SCHIP1: variants seen among roughly 807,000 people sequenced by gnomAD.
SCHIP1 encodes schwannomin-interacting protein 1.
Under a neutral mutation model 29.7 loss-of-function variants are expected in SCHIP1, and 8 were observed. The ratio of observed to expected loss-of-function variants is 0.27; its 90% CI spans 0.16 to 0.49. SCHIP1 has a LOEUF of 0.49. Among genes scored for constraint, SCHIP1 ranks in the 20% least tolerant of loss-of-function variants. SCHIP1 has a pLI of 0.99. For missense variants in SCHIP1, 193 were observed against 294.6 expected (o/e 0.66, Z 2.52); for synonymous variants, 76 against 94.9 (o/e 0.80, Z 1.16).
the SCHIP1 span, among the ~76,000 whole-genome samples, chr3:159,281,542 T>G: frequency 6.6e-6 from 1 of 152,200 alleles, no homozygotes; most frequent in Non-Finnish European, 1.5e-5. Flanking sequence ...ACATTTTGTA[T>G]TTTCATGAAG....
the SCHIP1 span, among the ~76,000 whole-genome samples, chr3:159,757,772 A>G: frequency 2.6e-5 from 4 of 152,200 alleles, no homozygotes; most frequent in African/African-American, 9.7e-5. Context: ...AGAGCCAAGT[A>G]TCCTGAAGAG....
At chr3:159,534,677 A>G in the SCHIP1 span, among the ~76,000 whole-genome samples, 1 of 152,160 alleles carries the variant, frequency 6.6e-6, no homozygotes, top group African/African-American at 2.4e-5. Context: ...GAATTCAGAA[A>G]CAGTCACACC....
chr3:159,705,056 C>T, the SCHIP1 span, among the ~76,000 whole-genome samples: 15 of 152,004 alleles, frequency 9.9e-5, no homozygotes, highest in African/African-American at 3.4e-4. Flanking sequence ...TTCCACATCC[C>T]GTGTTCAAGC....
chr3:159,384,787 G>T, the SCHIP1 span, among the ~76,000 whole-genome samples: 1,197 of 152,124 alleles, frequency 7.9e-3, 12 homozygotes, highest in African/African-American at 0.027. Flanking sequence ...CAATTTCAGA[G>T]CCTGTTATTG....
chr3:159,805,397 T>A, the SCHIP1 span, among the ~76,000 whole-genome samples: 270 of 152,260 alleles, frequency 1.8e-3, 1 homozygote, highest in Non-Finnish European at 2.9e-3. Flanking sequence ...CTCATGAGAA[T>A]CACAGCGGCT....
chr3:159,675,487 C>T, the SCHIP1 span, among the ~76,000 whole-genome samples: 1 of 152,102 alleles, frequency 6.6e-6, no homozygotes, highest in Non-Finnish European at 1.5e-5. Flanking sequence ...AAATAGTCAC[C>T]TTAGTAGAAA....
the SCHIP1 span, among the ~76,000 whole-genome samples, chr3:159,755,928 A>T: frequency 6.6e-6 from 1 of 152,250 alleles, no homozygotes; most frequent in African/African-American, 2.4e-5. Context: ...CTGATGCAAG[A>T]GGTGGGTTCC....
At chr3:159,639,412 T>G in the SCHIP1 span, among the ~76,000 whole-genome samples, 2 of 152,138 alleles carry the variant, frequency 1.3e-5, no homozygotes, top group African/African-American at 4.8e-5. Context: ...TTTATTTCCT[T>G]TTTTTGGTTT....
At chr3:159,470,647 C>T in the SCHIP1 span, among the ~76,000 whole-genome samples, 51 of 152,048 alleles carry the variant, frequency 3.4e-4, no homozygotes, top group African/African-American at 1.1e-3. Flanking sequence ...GACTAAAATA[C>T]CAAACCATGT....
the SCHIP1 span, among the ~76,000 whole-genome samples, chr3:159,366,025 G>C: frequency 6.6e-6 from 1 of 152,146 alleles, no homozygotes; most frequent in African/African-American, 2.4e-5. Flanking sequence ...GTTTATAAAG[G>C]AGAGAAGTTT....
chr3:159,884,391 T>TTTATG, intron 2 of SCHIP1, among the ~76,000 whole-genome samples: 1 of 82,262 alleles, frequency 1.2e-5, no homozygotes, highest in East Asian at 4.8e-4. Context: ...GTGTGTGTGT[T>TTTATG]TATGTATGTA....
At chr3:159,564,429 T>C in the SCHIP1 span, among the ~76,000 whole-genome samples, 1 of 151,780 alleles carries the variant, frequency 6.6e-6, no homozygotes, top group South Asian at 2.1e-4. Flanking sequence ...CAGGCTGGAG[T>C]GCAATGGCAC....
chr3:159,299,936 C>G, the SCHIP1 span, among the ~76,000 whole-genome samples: 1 of 151,944 alleles, frequency 6.6e-6, no homozygotes, highest in African/African-American at 2.4e-5. Context: ...TCCTGTCTGG[C>G]TATGTCATTC....
chr3:159,548,136 AT>A, the SCHIP1 span, among the ~76,000 whole-genome samples: 1 of 151,966 alleles, frequency 6.6e-6, no homozygotes, highest in Non-Finnish European at 1.5e-5. Context: ...CAGAAATTAC[AT>A]TTTTTTGTTG....
At chr3:159,680,542 G>T in the SCHIP1 span, among the ~76,000 whole-genome samples, 6 of 109,822 alleles carry the variant, frequency 5.5e-5, no homozygotes, top group East Asian at 2.3e-4. Context: ...TATAATATAT[G>T]TATATATATA....
chr3:159,468,777 A>ATAT, the SCHIP1 span, among the ~76,000 whole-genome samples: 772 of 127,314 alleles, frequency 6.1e-3, 5 homozygotes, highest in African/African-American at 0.022. Flanking sequence ...ATATATATAT[A>ATAT]TTTTTTTTAG....
chr3:159,543,876 C>T, the SCHIP1 span, among the ~76,000 whole-genome samples: 1 of 152,116 alleles, frequency 6.6e-6, no homozygotes, highest in Non-Finnish European at 1.5e-5. Context: ...CTCTCCAGCA[C>T]CTGTTGTTTC....
At chr3:159,827,633 G>A in the SCHIP1 span, among the ~76,000 whole-genome samples, 1 of 151,766 alleles carries the variant, frequency 6.6e-6, no homozygotes, top group Non-Finnish European at 1.5e-5. Flanking sequence ...GTGAAACCCC[G>A]TCTCTACTAA....
chr3:159,828,426 TATAC>T, the SCHIP1 span, among the ~76,000 whole-genome samples: 3 of 105,036 alleles, frequency 2.9e-5, no homozygotes, highest in African/African-American at 9.9e-5. Context: ...TACGTATATA[TATAC>T]GTATATATAC....
Sources: gnomAD v4.1 joint callset for allele counts (sites outside exome capture counted in the v4.1 genomes callset) on GRCh38, gnomAD v4.1.1 for gene constraint, MANE v1.5 for transcripts, NCBI Gene and HGNC (gene_info 2026-07-23, HGNC 2026-07-21) for gene names.